The following MMS22L variants were observed in gnomAD, a reference collection of about 807,000 sequenced individuals.
MMS22L encodes the protein protein MMS22-like.
MMS22L carries 74 observed loss-of-function variants against 159.1 expected under a neutral mutation model. The ratio of observed to expected loss-of-function variants is 0.47; its 90% CI spans 0.39 to 0.56. MMS22L has a LOEUF of 0.56. Among genes scored for constraint, MMS22L ranks in the 20% least tolerant of loss-of-function variants. The probability of loss-of-function intolerance (pLI) is 0.00; values close to 1 mark genes in which losing one functional copy is unlikely to be tolerated. For missense variants in MMS22L, 1,351 were observed against 1,422.1 expected (o/e 0.95, Z 0.80); for synonymous variants, 517 against 506.9 (o/e 1.02, Z -0.27).
At chr6:97,159,907 G>A (rs1235094194) in intron 22 of MMS22L, among the ~76,000 whole-genome samples, 4 of 148,370 alleles carry the variant, frequency 2.7e-5, no homozygotes, top group Admixed American at 1.4e-4. Context: ...TTTTGGATAC[G>A]GAATACTCAT....
chr6:97,255,608 TAC>T (rs1466174518), intron 9 of MMS22L, among the ~76,000 whole-genome samples: 1 of 152,118 alleles, frequency 6.6e-6, no homozygotes, highest in South Asian at 2.1e-4. Context: ...TATTTGCATA[TAC>T]AGTTACAAAT....
chr6:97,193,172 C>T (rs946346207), intron 14 of MMS22L, among the ~76,000 whole-genome samples: 6 of 152,120 alleles, frequency 3.9e-5, no homozygotes, highest in Non-Finnish European at 7.4e-5. Flanking sequence ...CTGGGGAGTG[C>T]CAGGCTCTAT....
chr6:97,272,024 C>T (rs534783186), intron 6 of MMS22L: 2 of 152,080 alleles, frequency 1.3e-5, no homozygotes, highest in African/African-American at 2.4e-5. Flanking sequence ...TTATTCAAAA[C>T]GGTAAAGTCA....
At chr6:97,265,719 CTTTTTTTT>C (rs936341845) in intron 8 of MMS22L, 2 of 143,548 alleles carry the variant, frequency 1.4e-5, no homozygotes, top group Non-Finnish European at 3.1e-5. Flanking sequence ...TTTCTTTTTT[CTTTTTTTT>C]TTTTTGAGGC....
chr6:97,146,802 T>A lies in MMS22L; in HGVS notation c.*4A>T. ...TTAATAGACAGGATGAATCACAAAA[T>A]ATATTAAGTATTATCATTTTCCAGT... On this transcript the variant is annotated 3_prime_UTR_variant, in exon 25 of 25. Transcript: ENST00000683635. 1 of 1,563,186 alleles carries A rather than the reference T, an allele frequency of 6.4e-7. No homozygotes were observed. Among genetic ancestry groups the A allele is most frequent in the Non-Finnish European group, 8.6e-7 (1 of 1,156,174 alleles).
intron 17 of MMS22L, 119 bp from the exon 18 acceptor site, chr6:97,178,704 A>T: frequency 2.2e-6 from 1 of 456,518 alleles, no homozygotes; most frequent in East Asian, 3.7e-5. Context: ...TTCACTTATG[A>T]CATGCTTTCT....
chr6:97,247,379 T>G (rs995827436), intron 10 of MMS22L, among the ~76,000 whole-genome samples: 2 of 152,110 alleles, frequency 1.3e-5, no homozygotes. Flanking sequence ...GAAAGCATTT[T>G]AAAGAATAAG....
chr6:97,274,558 G>A (rs933125677), intron 4 of MMS22L, among the ~76,000 whole-genome samples: 4 of 152,072 alleles, frequency 2.6e-5, no homozygotes, highest in African/African-American at 9.7e-5. Flanking sequence ...GAGAGAAACT[G>A]AGCCCTACAA....
Position 97,244,254 on chromosome 6 carries a change from A to G in MMS22L, c.1182+2374T>C, listed in dbSNP as rs941620894. On this transcript the variant is annotated intron_variant, in intron 11 of 24. Coordinates refer to ENST00000683635, the MANE Select transcript of MMS22L (RefSeq NM_001350599.2). ...AGCTGTGGTACTACAGGGGGGACAT[A>G]AACTTGCCCTGAAATCACCTGCATA... 5.9e-5 allele frequency among the ~76,000 whole-genome samples: 9 copies of G among 152,334 alleles called. No individual in the cohort carries two copies. In the East Asian group the frequency reaches 1.5e-3, roughly 26 times the overall value.
intron 14 of MMS22L, among the ~76,000 whole-genome samples, chr6:97,206,691 T>C (rs1354514498): frequency 6.6e-6 from 1 of 152,054 alleles, no homozygotes; most frequent in African/African-American, 2.4e-5. Flanking sequence ...AGATGTTTTT[T>C]GAAAGGGGTA....
chr6:97,225,053 T>C (rs909080620), intron 14 of MMS22L, among the ~76,000 whole-genome samples: 2 of 152,194 alleles, frequency 1.3e-5, no homozygotes, highest in South Asian at 2.1e-4. Context: ...TCCATTTTTT[T>C]CACCTATAAA....
At position 97,144,126 on chromosome 6, in the gene MMS22L, AAAG is replaced by A. The variant is rs752912928; in HGVS notation, c.*2677_*2679del. On this transcript the variant is annotated 3_prime_UTR_variant, in exon 25 of 25. Transcript: ENST00000683635. Reference sequence around the variant, plus strand: ...ACAACAAAAAAAAAAAAAAAAAAAAAAAGAGAGAGAAAAGCTGGAGTTATCAGT... The same window carrying A: ...ACAACAAAAAAAAAAAAAAAAAAAAAAGAGAGAAAAGCTGGAGTTATCAGT... 0.21 allele frequency: 24,736 copies of A among 119,918 alleles called. 1,539 individuals are homozygous for A. The highest frequency in any genetic ancestry group is 0.25 in the South Asian group (787 of 3,132). The allele number at this position is 119,918 out of a possible 1,614,324, so 7.4% of individuals were successfully genotyped here.
chr6:97,273,071 A>G lies in MMS22L; in HGVS notation c.341-9T>C, dbSNP rs1035303110. ...TAGAGTTGATACCTTCCCTGAAACC[A>G]AAATAGACAATGTTAATCATAGTTC... On this transcript the variant is annotated splice_polypyrimidine_tract_variant and intron_variant, in intron 4 of 24. Coordinates refer to ENST00000683635, the MANE Select transcript of MMS22L (RefSeq NM_001350599.2). The G allele has an allele frequency of 6.3e-7, 1 of 1,593,142 alleles. No homozygotes were observed. The highest frequency in any genetic ancestry group is 1.4e-5 in the African/African-American group (1 of 73,928).
At chr6:97,214,037 C>T (rs769499565) in intron 14 of MMS22L, among the ~76,000 whole-genome samples, 9 of 152,078 alleles carry the variant, frequency 5.9e-5, no homozygotes, top group East Asian at 5.8e-4. Flanking sequence ...CTTGAACATA[C>T]GCTATGGCTC....
intron 14 of MMS22L, among the ~76,000 whole-genome samples, chr6:97,201,790 T>G (rs1807195683): frequency 6.6e-6 from 1 of 152,226 alleles, no homozygotes; most frequent in South Asian, 2.1e-4. Flanking sequence ...CACTAAAAAT[T>G]TATTACTCTA....
At position 97,151,805 on chromosome 6, in the gene MMS22L, C is replaced by T. The variant is rs1457573741; in HGVS notation, c.3448G>A (p.Glu1150Lys). ...MVKACQVGSE[E>K]EPSSQLTSVF... ...GAAGTCAGCTGGGAGGAAGGTTCTT[C>T]TTCTGACCCCACTTGGCAGGCTTTT... is the stretch of plus-strand genomic sequence containing the variant. Residue 1150 changes from glutamate (E) to lysine (K), a missense_variant, in exon 23 of 25, where the codon GAA (glutamate) becomes AAA (lysine). Glu to Lys is a moderately conservative substitution (Grantham distance 56). Transcript: ENST00000683635. 4 of 1,613,638 alleles carry T rather than the reference C, an allele frequency of 2.5e-6. No homozygotes were observed. Among genetic ancestry groups the T allele is most frequent in the South Asian group, 1.1e-5 (1 of 91,066 alleles).
intron 14 of MMS22L, among the ~76,000 whole-genome samples, chr6:97,196,282 C>T (rs1234485884): frequency 2.0e-5 from 3 of 151,910 alleles, no homozygotes; most frequent in Non-Finnish European, 4.4e-5. Flanking sequence ...GAAGACATGC[C>T]ATTACCTGTT....
At chr6:97,216,754 A>C (rs1809057993) in intron 14 of MMS22L, among the ~76,000 whole-genome samples, 1 of 152,194 alleles carries the variant, frequency 6.6e-6, no homozygotes. Context: ...TGGTCTAAAC[A>C]CCTATAGTGA....
rs138511704 is a variant in MMS22L at position 97,271,341 on chromosome 6, C to T, written c.607-1349G>A. 476 of 152,114 alleles carry T rather than the reference C, an allele frequency of 3.1e-3. 3 individuals carry two copies. Among genetic ancestry groups the T allele is most frequent in the African/African-American group, 0.011 (443 of 41,506 alleles). 9.4% of individuals were successfully genotyped at this position (152,114 alleles called of 1,614,324 possible). On this transcript the variant is annotated intron_variant, in intron 6 of 24. Transcript: ENST00000683635. ...ATTAAAAAGCCTATGAAAGGCAAAA[C>T]CTAGTTTGAGGACCCCAGTGCACAA...
Sources: gnomAD v4.1 joint callset for allele counts (sites outside exome capture counted in the v4.1 genomes callset) on GRCh38, gnomAD v4.1.1 for gene constraint, MANE v1.5 for transcripts, NCBI Gene and HGNC (gene_info 2026-07-23, HGNC 2026-07-21) for gene names.